The following CDYL2 variants were observed in gnomAD, a reference collection of about 807,000 sequenced individuals.
The protein encoded by CDYL2 is chromodomain Y-like protein 2.
Under a neutral mutation model 49.4 loss-of-function variants are expected in CDYL2, and 23 were observed. The observed-to-expected ratio is 0.47, with a 90% confidence interval of 0.34 to 0.66. The LOEUF (loss-of-function observed/expected upper bound fraction) is 0.66. Ranked by LOEUF, CDYL2 falls within the 30% of genes least tolerant of loss-of-function variation. The pLI is 0.01. For missense variants in CDYL2, 678 were observed against 656.4 expected (o/e 1.03, Z -0.36); for synonymous variants, 360 against 268.8 (o/e 1.34, Z -3.32).
chr16:80,746,960 G>T (rs80150421), intron 1 of CDYL2, among the ~76,000 whole-genome samples: 1 of 152,050 alleles, frequency 6.6e-6, no homozygotes, highest in East Asian at 1.9e-4. Context: ...ATTCCAATAT[G>T]GTAACAACTG....
At chr16:80,741,160 T>TAA (rs1905721396) in intron 1 of CDYL2, among the ~76,000 whole-genome samples, 1 of 149,610 alleles carries the variant, frequency 6.7e-6, no homozygotes, top group South Asian at 2.1e-4. Flanking sequence ...TATATATACA[T>TAA]AATATATATA....
chr16:80,739,039 C>T (rs763234502), intron 1 of CDYL2, among the ~76,000 whole-genome samples: 6 of 152,134 alleles, frequency 3.9e-5, no homozygotes, highest in Non-Finnish European at 7.3e-5. Context: ...ATAAACAAAA[C>T]GTGGTATACA....
chr16:80,789,034 T>C (rs1447824820), intron 1 of CDYL2, among the ~76,000 whole-genome samples: 1 of 152,112 alleles, frequency 6.6e-6, no homozygotes, highest in Non-Finnish European at 1.5e-5. Context: ...TCAACATCAC[T>C]AATCATCAGA....
intron 1 of CDYL2, among the ~76,000 whole-genome samples, chr16:80,694,937 A>G (rs1910561535): frequency 6.6e-6 from 1 of 152,268 alleles, no homozygotes; most frequent in Non-Finnish European, 1.5e-5. Flanking sequence ...CCCGATGGCC[A>G]AAACTGGAAC....
intron 1 of CDYL2, among the ~76,000 whole-genome samples, chr16:80,765,191 G>T (rs1906678445): frequency 7.0e-6 from 1 of 143,258 alleles, no homozygotes; most frequent in South Asian, 2.2e-4. Flanking sequence ...ATAATATACT[G>T]GTTATATACC....
At chr16:80,607,973 C>A in intron 6 of CDYL2, 119 bp downstream of exon 6, 2 of 1,222,668 alleles carry the variant, frequency 1.6e-6, no homozygotes, top group Non-Finnish European at 2.2e-6. Context: ...TGCAAAGGGT[C>A]TTTTGCTTAT....
intron 1 of CDYL2, among the ~76,000 whole-genome samples, chr16:80,716,677 T>C (rs1168715858): frequency 6.7e-6 from 1 of 149,322 alleles, no homozygotes; most frequent in Non-Finnish European, 1.5e-5. Context: ...GATGATTGGA[T>C]GGATAACAGA....
chr16:80,758,863 A>G (rs1282292669), intron 1 of CDYL2, among the ~76,000 whole-genome samples: 1 of 151,750 alleles, frequency 6.6e-6, no homozygotes, highest in Non-Finnish European at 1.5e-5. Flanking sequence ...TTCTAATCAT[A>G]TCAAAAAATC....
At chr16:80,626,157 G>A (rs1051543559) in intron 3 of CDYL2, among the ~76,000 whole-genome samples, 1 of 151,110 alleles carries the variant, frequency 6.6e-6, no homozygotes, top group Non-Finnish European at 1.5e-5. Flanking sequence ...AATTAGCCAG[G>A]CATGGTGGTG....
At chr16:80,658,233 T>G (rs1373248058) in intron 2 of CDYL2, among the ~76,000 whole-genome samples, 1 of 152,166 alleles carries the variant, frequency 6.6e-6, no homozygotes, top group Non-Finnish European at 1.5e-5. Context: ...GATATCTTTT[T>G]GTTTTAATTT....
intron 1 of CDYL2, among the ~76,000 whole-genome samples, chr16:80,765,711 C>G (rs73579930): frequency 2.1e-3 from 203 of 96,694 alleles, no homozygotes; most frequent in African/African-American, 8.0e-3. Context: ...TCTATCCATA[C>G]AAGGGAGTAT....
At chr16:80,712,190 T>TATATATATAC (rs71894528) in intron 1 of CDYL2, among the ~76,000 whole-genome samples, 3 of 45,944 alleles carry the variant, frequency 6.5e-5, no homozygotes, top group African/African-American at 3.3e-4. Flanking sequence ...TGTCTGTGTG[T>TATATATATAC]GTATATATAT....
chr16:80,633,288 G>A lies in CDYL2; in HGVS notation c.617-52C>T, dbSNP rs142824718. On this transcript the variant is annotated intron_variant, in intron 2 of 6. Coordinates refer to ENST00000570137, the MANE Select transcript of CDYL2 (RefSeq NM_152342.4). Reference sequence around the variant, plus strand: ...GAAACTGAAATGGACCACGATCCTAGAAGGATGTGATCAGAGGACGTTGGG... The same window carrying A: ...GAAACTGAAATGGACCACGATCCTAAAAGGATGTGATCAGAGGACGTTGGG... 8 of 1,559,362 alleles carry A rather than the reference G, an allele frequency of 5.1e-6. No individual in the cohort carries two copies. The African/African-American group carries it at 9.5e-5, about 19-fold the overall frequency.
At chr16:80,679,147 G>A (rs1909873463) in intron 2 of CDYL2, among the ~76,000 whole-genome samples, 1 of 150,922 alleles carries the variant, frequency 6.6e-6, no homozygotes, top group African/African-American at 2.4e-5. Context: ...AGCATTGGGA[G>A]ATATACCTAA....
intron 1 of CDYL2, among the ~76,000 whole-genome samples, chr16:80,703,204 T>G (rs1280140239): frequency 6.6e-6 from 1 of 152,194 alleles, no homozygotes; most frequent in Non-Finnish European, 1.5e-5. Context: ...AAGATTAGTG[T>G]TAATTATCTT....
chr16:80,719,575 C>T (rs1904929159), intron 1 of CDYL2, among the ~76,000 whole-genome samples: 1 of 152,194 alleles, frequency 6.6e-6, no homozygotes, highest in Admixed American at 6.5e-5. Flanking sequence ...GCAGTTCCTG[C>T]TTCCATCACA....
chr16:80,709,885 C>T (rs888143043), intron 1 of CDYL2, among the ~76,000 whole-genome samples: 1 of 151,834 alleles, frequency 6.6e-6, no homozygotes, highest in Non-Finnish European at 1.5e-5. Context: ...CTACTTTTTC[C>T]GTAAGCCCTA....
intron 1 of CDYL2, among the ~76,000 whole-genome samples, chr16:80,745,279 C>T (rs1283439460): frequency 3.3e-5 from 5 of 152,162 alleles, no homozygotes; most frequent in African/African-American, 1.2e-4. Context: ...ACCAGCCAAC[C>T]TCTTCTGTGT....
chr16:80,617,689 C>T (rs778397099), intron 4 of CDYL2, among the ~76,000 whole-genome samples: 8 of 152,298 alleles, frequency 5.3e-5, no homozygotes, highest in Non-Finnish European at 5.9e-5. Flanking sequence ...CTCTACACGC[C>T]GCATCTTCTG....
Sources: allele counts gnomAD v4.1 joint callset (sites outside exome capture counted in the v4.1 genomes callset), GRCh38; gene constraint gnomAD v4.1.1; transcripts MANE v1.5; gene names NCBI Gene and HGNC (gene_info 2026-07-23, HGNC 2026-07-21).